Variants in STARD13 observed in about 807,000 individuals in gnomAD.
STARD13 encodes stAR-related lipid transfer protein 13.
In STARD13, 62 loss-of-function variants were observed where a neutral mutation model predicts 106.4. The observed-to-expected ratio is 0.58, with a 90% CI of 0.48 to 0.72. The LOEUF is 0.72. STARD13 is among the 30% of genes least tolerant of loss of function. The probability of loss-of-function intolerance (pLI) is 0.00; values close to 1 mark genes in which losing one functional copy is unlikely to be tolerated. For missense variants in STARD13, 1,387 were observed against 1,424.0 expected, an observed-to-expected ratio of 0.97 and a Z score of 0.42; for synonymous variants, 565 against 553.0, an observed-to-expected ratio of 1.02 and a Z score of -0.31.
At chr13:33,388,757 T>A in the STARD13 span, among the ~76,000 whole-genome samples, 4 of 152,094 alleles carry the variant, frequency 2.6e-5, no homozygotes, top group Non-Finnish European at 5.9e-5. Flanking sequence ...CCAACGTTAC[T>A]CAGATTAGCA....
intron 1 of STARD13, among the ~76,000 whole-genome samples, chr13:33,339,100 A>G (rs1318864682): frequency 2.6e-5 from 4 of 152,144 alleles, no homozygotes; most frequent in African/African-American, 4.8e-5. Flanking sequence ...AGTTCTTTGC[A>G]AATATTAACT....
At chr13:33,386,896 G>A in the STARD13 span, among the ~76,000 whole-genome samples, 1 of 151,862 alleles carries the variant, frequency 6.6e-6, no homozygotes, top group African/African-American at 2.4e-5. Context: ...TTAAAATTTC[G>A]AGGTGGCTGA....
the STARD13 span, among the ~76,000 whole-genome samples, chr13:33,443,804 G>A: frequency 6.7e-6 from 1 of 149,222 alleles, no homozygotes. Flanking sequence ...GAATCATTTG[G>A]ACCCAGGAGA....
At chr13:33,642,839 TTAAA>T in the STARD13 span, among the ~76,000 whole-genome samples, 5 of 117,380 alleles carry the variant, frequency 4.3e-5, no homozygotes, top group African/African-American at 2.0e-4. Context: ...CAAACAAACA[TTAAA>T]AAAAAAAAAA....
At chr13:33,534,811 C>T in the STARD13 span, among the ~76,000 whole-genome samples, 160 of 152,200 alleles carry the variant, frequency 1.1e-3, 2 homozygotes, top group African/African-American at 3.4e-3. Flanking sequence ...TATCTACCAT[C>T]CAAACTATTC....
At chr13:33,417,187 C>T in the STARD13 span, among the ~76,000 whole-genome samples, 23 of 152,196 alleles carry the variant, frequency 1.5e-4, no homozygotes, top group East Asian at 4.1e-3. Context: ...AATTTCATAT[C>T]CACTGGGATG....
chr13:33,308,343 T>C (rs975220067), intron 1 of STARD13, among the ~76,000 whole-genome samples: 1 of 152,118 alleles, frequency 6.6e-6, no homozygotes, highest in Non-Finnish European at 1.5e-5. Flanking sequence ...ATGCCTGAAA[T>C]AGACACAAGT....
chr13:33,352,070 CT>C (rs2078084024), upstream of STARD13, among the ~76,000 whole-genome samples: 2 of 152,134 alleles, frequency 1.3e-5, no homozygotes, highest in Admixed American at 1.3e-4. Flanking sequence ...TAATGAGATA[CT>C]TTTTTTGTAG....
At chr13:33,312,207 A>G (rs901779241) in intron 1 of STARD13, among the ~76,000 whole-genome samples, 3 of 152,228 alleles carry the variant, frequency 2.0e-5, no homozygotes, top group Non-Finnish European at 4.4e-5. Flanking sequence ...ACAAGGTTCC[A>G]TATTTAAACC....
chr13:33,567,195 C>T, the STARD13 span, among the ~76,000 whole-genome samples: 1 of 148,486 alleles, frequency 6.7e-6, no homozygotes, highest in South Asian at 2.1e-4. Flanking sequence ...ATAGGCCCAA[C>T]TTTTTTGTCT....
the STARD13 span, among the ~76,000 whole-genome samples, chr13:33,612,302 T>C: frequency 6.6e-6 from 1 of 152,128 alleles, no homozygotes; most frequent in African/African-American, 2.4e-5. Context: ...AACAGTGCCT[T>C]GGTAAGAATT....
intron 3 of STARD13, among the ~76,000 whole-genome samples, chr13:33,151,420 G>T (rs959117616): frequency 3.3e-5 from 5 of 151,950 alleles, no homozygotes; most frequent in African/African-American, 4.8e-5. Flanking sequence ...AAAGGGGAAG[G>T]TTCCAGGCTC....
At chr13:33,309,487 G>C (rs1893050656) in intron 1 of STARD13, among the ~76,000 whole-genome samples, 1 of 152,316 alleles carries the variant, frequency 6.6e-6, no homozygotes, top group Middle Eastern at 3.4e-3. Context: ...GAGAAGGCAG[G>C]AGAGAAGCTG....
the STARD13 span, among the ~76,000 whole-genome samples, chr13:33,544,375 A>C: frequency 1.8e-4 from 28 of 152,342 alleles, no homozygotes; most frequent in African/African-American, 6.7e-4. Flanking sequence ...TCAAATTCTG[A>C]CTGTGCCACT....
chr13:33,270,290 T>A (rs1891095439), intron 1 of STARD13, among the ~76,000 whole-genome samples: 1 of 152,212 alleles, frequency 6.6e-6, no homozygotes, highest in South Asian at 2.1e-4. Flanking sequence ...TATTCCCATA[T>A]CCTTGAGGAG....
At chr13:33,582,767 C>A in the STARD13 span, among the ~76,000 whole-genome samples, 1 of 152,184 alleles carries the variant, frequency 6.6e-6, no homozygotes, top group Non-Finnish European at 1.5e-5. Flanking sequence ...GATGGGTCAT[C>A]AACCTAACCA....
At chr13:33,650,467 G>T in the STARD13 span, among the ~76,000 whole-genome samples, 1 of 151,942 alleles carries the variant, frequency 6.6e-6, no homozygotes. Flanking sequence ...TGGGATTACA[G>T]GCGTGAGCCA....
chr13:33,468,048 A>G, the STARD13 span, among the ~76,000 whole-genome samples: 1 of 152,180 alleles, frequency 6.6e-6, no homozygotes, highest in East Asian at 1.9e-4. Flanking sequence ...GGATATAACC[A>G]TTAGTTCTAT....
At chr13:33,163,961 C>T (rs1458576802) in intron 3 of STARD13, among the ~76,000 whole-genome samples, 1 of 151,926 alleles carries the variant, frequency 6.6e-6, no homozygotes, top group African/African-American at 2.4e-5. Flanking sequence ...TCTGCTCCTG[C>T]TTGCTGTGTA....
Sources: gnomAD v4.1 joint callset for allele counts (sites outside exome capture counted in the v4.1 genomes callset) on GRCh38, gnomAD v4.1.1 for gene constraint, MANE v1.5 for transcripts, NCBI Gene and HGNC (gene_info 2026-07-23, HGNC 2026-07-21) for gene names.